Variants in TRMT2A observed in about 807,000 individuals in gnomAD.
TRMT2A encodes tRNA methyltransferase 2A, also known as tRNA (uracil-5-)-methyltransferase homolog A.
Under a neutral mutation model 59.3 loss-of-function variants are expected in TRMT2A, and 60 were observed. That is an observed-to-expected ratio of 1.01 (90% CI 0.82 to 1.26). TRMT2A has a LOEUF of 1.26. TRMT2A is among the 50% of genes most tolerant of loss of function. TRMT2A has a pLI of 0.00. For synonymous variants in TRMT2A, 403 were observed against 353.7 expected, an observed-to-expected ratio of 1.14 and a Z score of -1.56; for missense variants, 863 against 845.2, an observed-to-expected ratio of 1.02 and a Z score of -0.26.
At position 20,116,192 on chromosome 22, in the gene TRMT2A, C is replaced by T. The variant is rs1483893553; in HGVS notation, c.445G>A (p.Asp149Asn). The T allele has an allele frequency of 8.4e-5, 136 of 1,612,912 alleles. No individual in the cohort carries two copies. Among genetic ancestry groups the T allele is most frequent in the Non-Finnish European group, 1.1e-4 (131 of 1,179,992 alleles). ...LSVRLARPKA[D>N]PMARRRRQEG... is the part of the protein sequence containing the mutation. ...TGTCGCCTCCTCCTGGCCATGGGGT[C>T]GGCCTTGGGCCGGGCCAGGCGCACA... The change falls in exon 2 of 12, where the codon GAC (aspartate) becomes AAC (asparagine). Residue 149 changes from aspartate (D) to asparagine (N), a missense_variant. Transcript: ENST00000252136.
At chr22:20,115,559 G>C (rs758011920) in intron 3 of TRMT2A, 112 bp from the exon 4 acceptor site, 1 of 1,559,822 alleles carries the variant, frequency 6.4e-7, no homozygotes, top group Non-Finnish European at 8.8e-7. Flanking sequence ...TGACAACTAT[G>C]TGATGTTACC....
intron 9 of TRMT2A, 33 bp downstream of exon 9, chr22:20,113,399 A>AAACCCC: frequency 2.0e-5 from 14 of 713,608 alleles, no homozygotes; most frequent in Non-Finnish European, 3.1e-5. Flanking sequence ...GGCTGCCCCC[A>AAACCCC]TCCCCACCCC....
At chr22:20,116,823 A>ACCC in intron 1 of TRMT2A, 60 bp downstream of exon 1, 16 of 1,294,000 alleles carry the variant, frequency 1.2e-5, no homozygotes, top group Non-Finnish European at 1.7e-5. Flanking sequence ...AGGTTTCCTG[A>ACCC]CCCACCCCGC....
At chr22:20,113,367 T>C in intron 9 of TRMT2A, 65 bp downstream of exon 9, 1 of 1,564,032 alleles carries the variant, frequency 6.4e-7, no homozygotes, top group Non-Finnish European at 8.7e-7. Context: ...TGGCTGTGGC[T>C]GAGGCTTGCA....
intron 1 of TRMT2A, 57 bp from the exon 2 acceptor site, chr22:20,116,669 C>T: frequency 1.3e-6 from 2 of 1,503,424 alleles, no homozygotes; most frequent in Non-Finnish European, 1.8e-6. Context: ...GGCCTGGCCC[C>T]CCAAGCTTCC....
rs147731939 is a variant in TRMT2A, at chr22:20,113,728, G to A, written c.1314C>T (p.Asp438=). 2.4e-5 allele frequency: 39 copies of A among 1,607,786 alleles called. No individual in the cohort carries two copies. The African/African-American group carries it at 3.1e-4, about 13-fold the overall frequency. Residue 438 remains aspartate (D), a synonymous_variant, in exon 8 of 12, where the codon GAC becomes GAT. Transcript: ENST00000252136. The stretch of plus-strand genomic sequence containing the variant: ...CAATGGTGCCGGTGCCACAGCACAC[G>A]TCCAGCACCATGCTCCCCGCATCCA... ...AQLDAGSMVL[D]VCCGTGTIGL...
rs949612403 is a variant in TRMT2A, at chr22:20,117,035, G to C, written c.-129C>G. 4.8e-6 allele frequency: 6 copies of C among 1,258,228 alleles called. No individual in the cohort carries two copies. Among genetic ancestry groups the C allele is most frequent in the Non-Finnish European group, 6.6e-6 (6 of 905,416 alleles). The allele number at this position is 1,258,228 out of a possible 1,614,324, so 77.9% of individuals were successfully genotyped here. Reference sequence around the variant, plus strand: ...TCAGAGGGGAGGTGCTCACAGAGCCGGTGCAACGCCGCGAGGTCGCCGCCA... The same window carrying C: ...TCAGAGGGGAGGTGCTCACAGAGCCCGTGCAACGCCGCGAGGTCGCCGCCA... On this transcript the variant is annotated 5_prime_UTR_variant, in exon 1 of 12. Transcript: ENST00000252136.
At position 20,113,487 on chromosome 22, in the gene TRMT2A, C is replaced by T. The variant is rs2049912692; in HGVS notation, c.1377G>A (p.Gly459=). The change falls in exon 9 of 12, where the codon GGG becomes GGA. Residue 459 remains glycine (G), a synonymous_variant. Transcript: ENST00000252136. ...ALARKVKRVI[G]VELCPEAVED... ...CCACAGCCTCTGGGCATAGCTCGAC[C>T]CCAATGACCCTCTTTACCTTCTGAA... 8.7e-6 allele frequency: 14 copies of T among 1,613,366 alleles called. No individual in the cohort carries two copies. Among genetic ancestry groups the T allele is most frequent in the Non-Finnish European group, 1.2e-5 (14 of 1,179,956 alleles).
At chr22:20,116,832 GCCTCCTCCC>G in intron 1 of TRMT2A, 42 bp downstream of exon 1, 2 of 549,946 alleles carry the variant, frequency 3.6e-6, no homozygotes, top group East Asian at 5.1e-5. Context: ...GACCCACCCC[GCCTCCTCCC>G]ACCCCATCCC....
In TRMT2A at chr22:20,115,466, G is replaced by A. The variant is rs760657922; in HGVS notation, c.709-19C>T. ...ACTCAGTCTGCAGGGAGAGAGAGCTGCACCTTACCCTGGCTGCCCAGCGCT... is the reference window on the plus strand; with the variant it reads ...ACTCAGTCTGCAGGGAGAGAGAGCTACACCTTACCCTGGCTGCCCAGCGCT... On this transcript the variant is annotated intron_variant, in intron 3 of 11. Transcript: ENST00000252136. 1.3e-6 allele frequency: 2 copies of A among 1,595,518 alleles called. No individual in the cohort carries two copies. Among genetic ancestry groups the A allele is most frequent in the Non-Finnish European group, 1.7e-6 (2 of 1,169,896 alleles).
Position 20,113,819 on chromosome 22 carries a change from G to C in TRMT2A, c.1234-11C>G. ...TGCGGGTGTGTTCACCTGGGGGCAGGCGGTGCCCAGGATGTCAGTGGCTCC... is the reference window on the plus strand; with the variant it reads ...TGCGGGTGTGTTCACCTGGGGGCAGCCGGTGCCCAGGATGTCAGTGGCTCC... On this transcript the variant is annotated splice_polypyrimidine_tract_variant and intron_variant, in intron 7 of 11. Transcript: ENST00000252136. The C allele has an allele frequency of 6.5e-7, 1 of 1,547,236 alleles. No homozygotes were observed. The highest frequency in any genetic ancestry group is 8.7e-7 in the Non-Finnish European group (1 of 1,144,560).
In TRMT2A at chr22:20,114,632, C is replaced by T; in HGVS notation, c.1175G>A (p.Cys392Tyr). 1 of 1,613,778 alleles carries T rather than the reference C, an allele frequency of 6.2e-7. No homozygotes were observed. Among genetic ancestry groups the T allele is most frequent in the African/African-American group, 1.3e-5 (1 of 75,060 alleles). ...LPLEHVAGDR[C>Y]IHEDLLGLTF... The stretch of plus-strand genomic sequence containing the variant: ...CAGCCCTAGCAGGTCCTCGTGGATG[C>T]ACCGGTCCCCAGCCACATGCTCCAG... The change falls in exon 7 of 12, where the codon TGC (cysteine) becomes TAC (tyrosine). Residue 392 changes from cysteine (C) to tyrosine (Y), a missense_variant. Transcript: ENST00000252136.
rs776105376 is a variant in TRMT2A, at chr22:20,115,002, C to T, written c.968G>A (p.Arg323His). 57 of 1,597,778 alleles carry T rather than the reference C, an allele frequency of 3.6e-5. No homozygotes were observed. The highest frequency in any genetic ancestry group is 4.3e-5 in the Non-Finnish European group (50 of 1,174,448). ...WKQLTVRTSR[R>H]HQAMAIAYFH... ...GTAGGCAATGGCCATGGCCTGGTGG[C>T]GGCGGCTGGTGCGCACAGTCAGCTG... Residue 323 changes from arginine (R) to histidine (H), a missense_variant, in exon 5 of 12, where the codon CGC becomes CAC. Physicochemically the swap from Arg to His is conservative, Grantham distance 29. Transcript: ENST00000252136.
Position 20,112,110 on chromosome 22 carries a change from C to T in TRMT2A, c.*453G>A. 1 of 166,894 alleles carries T rather than the reference C, an allele frequency of 6.0e-6. No individual in the cohort carries two copies. The highest frequency in any genetic ancestry group is 1.3e-5 in the Non-Finnish European group (1 of 77,720). 10.3% of individuals were successfully genotyped at this position (166,894 alleles called of 1,614,324 possible). On this transcript the variant is annotated 3_prime_UTR_variant, in exon 12 of 12. Coordinates refer to ENST00000252136, the MANE Select transcript of TRMT2A (RefSeq NM_022727.6). Reference sequence around the variant, plus strand: ...CTCCACCCCATGCCCCCAGCTGGTGCAGTTCCCAGACCTCTCTCTGCCTCT... The same window carrying T: ...CTCCACCCCATGCCCCCAGCTGGTGTAGTTCCCAGACCTCTCTCTGCCTCT...
intron 7 of TRMT2A, 25 bp downstream of exon 7, chr22:20,114,549 A>T (rs770082241): frequency 6.3e-7 from 1 of 1,590,794 alleles, no homozygotes; most frequent in Non-Finnish European, 8.6e-7. Flanking sequence ...ACATGTCCCC[A>T]TGCCCACCAG....
rs895175834 is a variant in TRMT2A at position 20,112,101 on chromosome 22, C to G, written c.*462G>C. ...CCCAGTGTTCTCCACCCCATGCCCC[C>G]AGCTGGTGCAGTTCCCAGACCTCTC... On this transcript the variant is annotated 3_prime_UTR_variant, in exon 12 of 12. Transcript: ENST00000252136. 6.0e-6 allele frequency: 1 copy of G among 165,716 alleles called. No individual in the cohort carries two copies. The highest frequency in any genetic ancestry group is 1.3e-5 in the Non-Finnish European group (1 of 76,934). The allele number at this position is 165,716 out of a possible 1,614,324, so 10.3% of individuals were successfully genotyped here.
Position 20,112,691 on chromosome 22 carries a change from T to G in TRMT2A, c.1750A>C (p.Ile584Leu). 6.2e-7 allele frequency: 1 copy of G among 1,614,058 alleles called. No individual in the cohort carries two copies. Among genetic ancestry groups the G allele is most frequent in the East Asian group, 2.2e-5 (1 of 44,888 alleles). ...FPQTPHCEML[I>L]LFERVEHPNG... is the part of the protein sequence containing the mutation. Reference sequence around the variant, plus strand: ...GGGTGCTCCACCCTCTCAAACAGGATGAGCATCTCACAGTGCGGGGTCTGC... The same window carrying G: ...GGGTGCTCCACCCTCTCAAACAGGAGGAGCATCTCACAGTGCGGGGTCTGC... Residue 584 changes from isoleucine to leucine, a missense_variant, in exon 12 of 12, where the codon ATC (isoleucine) becomes CTC (leucine). Transcript: ENST00000252136.
At chr22:20,114,936 C>T in intron 5 of TRMT2A, 29 bp downstream of exon 5, 1 of 1,570,604 alleles carries the variant, frequency 6.4e-7, no homozygotes, top group Non-Finnish European at 8.6e-7. Flanking sequence ...AGGCTAGGCA[C>T]CCTCCCCCAG....
Position 20,112,605 on chromosome 22 carries a change from TG to T in TRMT2A, c.1835del (p.Pro612GlnfsTer25). 1.2e-6 allele frequency: 2 copies of T among 1,614,078 alleles called. No homozygotes were observed. Among genetic ancestry groups the T allele is most frequent in the Non-Finnish European group, 1.7e-6 (2 of 1,180,022 alleles). On this transcript the variant is annotated frameshift_variant, in exon 12 of 12. Transcript: ENST00000252136. LOFTEE classifies it low-confidence loss of function (END_TRUNC). ...SPPAQPTPGP[P>X]DNTLQETGTF... ...TCCCAGTTTCTTGTAGGGTGTTATC[TG>T]GGGGTCCTGGTGTGGGTTGAGCTGG...
Sources: allele counts gnomAD v4.1 joint callset, GRCh38; gene constraint gnomAD v4.1.1; transcripts MANE v1.5; gene names NCBI Gene and HGNC (gene_info 2026-07-23, HGNC 2026-07-21).